ARID2: variants seen among roughly 807,000 people sequenced by gnomAD.
The protein encoded by ARID2 is AT-rich interaction domain 2.
Under a neutral mutation model 184.6 loss-of-function variants are expected in ARID2, and 32 were observed. The ratio of observed to expected loss-of-function variants is 0.17; its 90% confidence interval spans 0.13 to 0.23. The LOEUF is 0.23. ARID2 is among the 10% of genes least tolerant of loss of function. The probability of loss-of-function intolerance (pLI) is 1.00; values close to 1 mark genes in which losing one functional copy is unlikely to be tolerated. For synonymous variants in ARID2, 836 were observed against 772.6 expected (o/e 1.08, Z -1.36); for missense variants, 1,696 against 2,197.6 (o/e 0.77, Z 4.56).
In ARID2 at chr12:45,852,618, C is replaced by T. The variant is rs763488971; in HGVS notation, c.4495C>T (p.Leu1499=). 5 of 1,614,162 alleles carry T rather than the reference C, an allele frequency of 3.1e-6. No homozygotes were observed. Among genetic ancestry groups the T allele is most frequent in the South Asian group, 1.1e-5 (1 of 91,092 alleles). ...SGSKVSHSPA[L]SSDVRSTNGT... is the part of the protein sequence containing the mutation. Reference sequence around the variant, plus strand: ...ATCAAAAGTATCCCATTCTCCTGCCCTATCATCTGACGTTCGGTCTACAAA... The same window carrying T: ...ATCAAAAGTATCCCATTCTCCTGCCTTATCATCTGACGTTCGGTCTACAAA... Residue 1499 remains leucine (L), a synonymous_variant, in exon 15 of 21, where the codon CTA becomes TTA. Transcript: ENST00000334344.
rs565901739 is a variant in ARID2 at position 45,895,573 on chromosome 12, C to T, written c.5363+1852C>T. Among the ~76,000 whole-genome samples, 6 of 152,336 alleles carry T rather than the reference C, an allele frequency of 3.9e-5. 1 individual carries two copies. The highest frequency in any genetic ancestry group is 1.4e-4 in the African/African-American group (6 of 41,582). On this transcript the variant is annotated intron_variant, in intron 20 of 20. Transcript: ENST00000334344. ...TTTTTGAGACAGAGTCTCGCTCTAT[C>T]GCCCAGGCTGGAGTGCAGTGGCACG...
At chr12:45,814,376 G>A (rs935987713) in intron 4 of ARID2, among the ~76,000 whole-genome samples, 1 of 152,144 alleles carries the variant, frequency 6.6e-6, no homozygotes, top group South Asian at 2.1e-4. Flanking sequence ...ATGGACGGGC[G>A]CGGTGTCTCA....
chr12:45,893,454 A>G lies in ARID2; in HGVS notation c.5182A>G (p.Arg1728Gly), dbSNP rs2136462207. 6.2e-7 allele frequency: 1 copy of G among 1,614,028 alleles called. No homozygotes were observed. The highest frequency in any genetic ancestry group is 8.5e-7 in the Non-Finnish European group (1 of 1,179,940). The change falls in exon 19 of 21, where the codon AGA (arginine) becomes GGA (glycine). Residue 1728 changes from arginine to glycine, a missense_variant. By Grantham distance (125) the Arg-to-Gly change is moderately radical (BLOSUM62 -2). Coordinates refer to ENST00000334344, the MANE Select transcript of ARID2 (RefSeq NM_152641.4). ...PTVGGTSSTPRAQKAIVNHPS... is the reference protein window; with the variant it reads ...PTVGGTSSTPGAQKAIVNHPS... The stretch of plus-strand genomic sequence containing the variant: ...TGTAGGGGGCACAAGCTCAACTCCT[A>G]GAGCACAAAAGGCCATTGTGAATCA...
intron 6 of ARID2, among the ~76,000 whole-genome samples, chr12:45,822,852 A>T (rs912318684): frequency 4.0e-4 from 61 of 152,278 alleles, no homozygotes; most frequent in African/African-American, 1.1e-3. Context: ...AGAGCTAAAA[A>T]GAGACCCCAA....
At chr12:45,877,189 G>T (rs1191469357) in intron 16 of ARID2, among the ~76,000 whole-genome samples, 4 of 152,112 alleles carry the variant, frequency 2.6e-5, no homozygotes, top group African/African-American at 9.7e-5. Context: ...CTGGTCCGTG[G>T]CCTGTTAGGA....
chr12:45,876,827 C>G (rs1355066769), intron 16 of ARID2, among the ~76,000 whole-genome samples: 1 of 149,562 alleles, frequency 6.7e-6, no homozygotes, highest in South Asian at 2.1e-4. Flanking sequence ...TGGTGGCTCA[C>G]GCCTGTAATC....
chr12:45,852,047 C>T lies in ARID2; in HGVS notation c.3924C>T (p.Asn1308=), dbSNP rs2138175594. The T allele has an allele frequency of 6.2e-7, 1 of 1,614,064 alleles. No individual in the cohort carries two copies. Residue 1308 remains asparagine (N), a synonymous_variant, in exon 15 of 21, where the codon AAC becomes AAT. Coordinates refer to ENST00000334344, the MANE Select transcript of ARID2 (RefSeq NM_152641.4). ...KYSDSSLPPS[N]SGKIQSETNQ... is the part of the protein sequence containing the mutation. ...GTGACTCAAGTCTACCTCCTTCAAACTCAGGGAAAATTCAAAGTGAGACTA... is the reference window on the plus strand; with the variant it reads ...GTGACTCAAGTCTACCTCCTTCAAATTCAGGGAAAATTCAAAGTGAGACTA...
intron 3 of ARID2, among the ~76,000 whole-genome samples, chr12:45,785,398 G>C (rs1942177788): frequency 6.6e-6 from 1 of 152,130 alleles, no homozygotes; most frequent in African/African-American, 2.4e-5. Flanking sequence ...ATTCGGTTAG[G>C]ATTGATGTTT....
chr12:45,751,168 T>C (rs1416685380), intron 3 of ARID2, among the ~76,000 whole-genome samples: 1 of 151,982 alleles, frequency 6.6e-6, no homozygotes, highest in East Asian at 1.9e-4. Context: ...TTTGCTTGAG[T>C]AGGGTGTTAA....
At position 45,821,445 on chromosome 12, in the gene ARID2, T is replaced by C. The variant is rs1365855098; in HGVS notation, c.663T>C (p.Phe221=). ...DDTLGSFSTV[F]GEEWKEKTDR... Reference sequence around the variant, plus strand: ...CTTTAGGATCCTTTTCCACTGTATTTGGAGAAGAATGGAAAGAGAAGACTG... The same window carrying C: ...CTTTAGGATCCTTTTCCACTGTATTCGGAGAAGAATGGAAAGAGAAGACTG... Residue 221 remains phenylalanine (F), a synonymous_variant, in exon 6 of 21, where the codon TTT becomes TTC. Coordinates refer to ENST00000334344, the MANE Select transcript of ARID2 (RefSeq NM_152641.4). 8 of 1,525,678 alleles carry C rather than the reference T, an allele frequency of 5.2e-6. No homozygotes were observed. The highest frequency in any genetic ancestry group is 7.0e-6 in the Non-Finnish European group (8 of 1,143,468). 94.5% of individuals were successfully genotyped at this position (1,525,678 alleles called of 1,614,324 possible).
At chr12:45,751,839 T>A (rs1273741784) in intron 3 of ARID2, among the ~76,000 whole-genome samples, 1 of 152,196 alleles carries the variant, frequency 6.6e-6, no homozygotes, top group Non-Finnish European at 1.5e-5. Context: ...AAATATGATA[T>A]TATAATCTTA....
At chr12:45,760,386 G>A (rs1021366315) in intron 3 of ARID2, among the ~76,000 whole-genome samples, 1 of 152,076 alleles carries the variant, frequency 6.6e-6, no homozygotes, top group African/African-American at 2.4e-5. Flanking sequence ...CAAATTTTGA[G>A]GTTTTTAAAT....
intron 15 of ARID2, among the ~76,000 whole-genome samples, chr12:45,857,512 T>G (rs1236223935): frequency 6.6e-6 from 1 of 152,186 alleles, no homozygotes; most frequent in Non-Finnish European, 1.5e-5. Flanking sequence ...AAAGTAGTGT[T>G]GGCATGTATT....
At chr12:45,829,029 G>A (rs935169320) in intron 6 of ARID2, among the ~76,000 whole-genome samples, 2 of 151,684 alleles carry the variant, frequency 1.3e-5, no homozygotes, top group Admixed American at 1.3e-4. Context: ...GTTTTTTTCT[G>A]TTTTACTTTT....
intron 6 of ARID2, among the ~76,000 whole-genome samples, chr12:45,833,914 A>G (rs1374100497): frequency 1.3e-5 from 2 of 152,188 alleles, no homozygotes; most frequent in South Asian, 2.1e-4. Flanking sequence ...CTTTCTCTGC[A>G]TAACTCTTCC....
At chr12:45,737,835 C>G (rs1941160090) in intron 3 of ARID2, among the ~76,000 whole-genome samples, 1 of 152,074 alleles carries the variant, frequency 6.6e-6, no homozygotes, top group African/African-American at 2.4e-5. Flanking sequence ...GACATCTGGT[C>G]TAGGGGCACC....
chr12:45,825,613 G>C (rs1235604135), intron 6 of ARID2, among the ~76,000 whole-genome samples: 4 of 152,056 alleles, frequency 2.6e-5, no homozygotes, highest in African/African-American at 9.7e-5. Context: ...AGACTTACTT[G>C]ACAATTTTAG....
At chr12:45,821,395 T>C (rs759469492) in intron 5 of ARID2, 25 bp from the exon 6 acceptor site, 2 of 1,358,530 alleles carry the variant, frequency 1.5e-6, no homozygotes, top group Non-Finnish European at 1.0e-6. Context: ...TTATTGAATG[T>C]ACTATTTATT....
intron 6 of ARID2, among the ~76,000 whole-genome samples, chr12:45,832,455 TTTTC>T: frequency 6.6e-6 from 1 of 152,128 alleles, no homozygotes; most frequent in Non-Finnish European, 1.5e-5. Flanking sequence ...CTTCCAATAT[TTTTC>T]TTTCCCCTCT....
Sources: gnomAD v4.1 joint callset for allele counts (sites outside exome capture counted in the v4.1 genomes callset) on GRCh38, gnomAD v4.1.1 for gene constraint, MANE v1.5 for transcripts, NCBI Gene and HGNC (gene_info 2026-07-23, HGNC 2026-07-21) for gene names.